Variants in SH3GL2 observed in about 807,000 individuals in gnomAD.
SH3GL2 encodes the protein endophilin-A1.
A neutral mutation model predicts 46.0 loss-of-function variants in SH3GL2; 24 were observed. That is an observed-to-expected ratio of 0.52 (90% CI 0.38 to 0.73). SH3GL2 has a LOEUF of 0.73. SH3GL2 is among the 30% of genes least tolerant of loss of function. The pLI, the probability that SH3GL2 is intolerant of heterozygous loss-of-function variation, is 0.00. For synonymous variants in SH3GL2, 196 were observed against 147.1 expected (o/e 1.33, Z -2.40); for missense variants, 413 against 424.2 (o/e 0.97, Z 0.23).
At position 17,735,422 on chromosome 9, in the gene SH3GL2, G is replaced by C. The variant is rs76792965; in HGVS notation, c.46-11644G>C. ...CCTATATATTTGTGTTTGTGCATGT[G>C]TGAGATTTGTATTTATGTAAGAGTA... On this transcript the variant is annotated intron_variant, in intron 1 of 8. Transcript: ENST00000380607. 4.5e-4 allele frequency among the ~76,000 whole-genome samples: 69 copies of C among 152,268 alleles called. No homozygotes were observed. The East Asian group carries it at 0.013, about 29-fold the overall frequency.
chr9:17,732,556 A>G (rs906864012), intron 1 of SH3GL2, among the ~76,000 whole-genome samples: 1 of 152,122 alleles, frequency 6.6e-6, no homozygotes, highest in Admixed American at 6.5e-5. Flanking sequence ...CATATAAACA[A>G]CGATAGTTTA....
At chr9:17,639,729 T>C (rs1819629996) in intron 1 of SH3GL2, among the ~76,000 whole-genome samples, 1 of 152,210 alleles carries the variant, frequency 6.6e-6, no homozygotes, top group Non-Finnish European at 1.5e-5. Flanking sequence ...TTCATAATAG[T>C]CTTAAAAACT....
chr9:17,613,574 G>T (rs1818916024), intron 1 of SH3GL2, among the ~76,000 whole-genome samples: 1 of 152,186 alleles, frequency 6.6e-6, no homozygotes, highest in Non-Finnish European at 1.5e-5. Flanking sequence ...TAAGCTCTGA[G>T]ATTGTTATTT....
At chr9:17,628,786 C>G (rs1819352127) in intron 1 of SH3GL2, among the ~76,000 whole-genome samples, 1 of 151,864 alleles carries the variant, frequency 6.6e-6, no homozygotes, top group Admixed American at 6.6e-5. Context: ...GCCAACTGCC[C>G]TTTTATAGAT....
intron 3 of SH3GL2, among the ~76,000 whole-genome samples, chr9:17,769,294 A>C (rs1452512203): frequency 6.6e-6 from 1 of 152,238 alleles, no homozygotes; most frequent in East Asian, 1.9e-4. Context: ...TGTACACTGC[A>C]AAGAGCCCAA....
intron 1 of SH3GL2, among the ~76,000 whole-genome samples, chr9:17,690,525 G>A (rs936508493): frequency 5.3e-5 from 8 of 151,920 alleles, no homozygotes; most frequent in Admixed American, 1.3e-4. Flanking sequence ...ATAGGATCTC[G>A]CCTCATTCTG....
chr9:17,771,098 C>A (rs1823466117), intron 3 of SH3GL2, among the ~76,000 whole-genome samples: 2 of 152,148 alleles, frequency 1.3e-5, no homozygotes, highest in South Asian at 4.1e-4. Flanking sequence ...GTGGCTGTTC[C>A]CAGCCAGAGC....
chr9:17,727,702 A>C (rs1822058705), intron 1 of SH3GL2, among the ~76,000 whole-genome samples: 1 of 152,186 alleles, frequency 6.6e-6, no homozygotes, highest in African/African-American at 2.4e-5. Flanking sequence ...CTTCCTCTTC[A>C]ACCAAGGAGC....
rs1006239592 is a variant in SH3GL2, at chr9:17,796,690, C to T, written c.*947C>T. On this transcript the variant is annotated 3_prime_UTR_variant, in exon 9 of 9. Coordinates refer to ENST00000380607, the MANE Select transcript of SH3GL2 (RefSeq NM_003026.5). The stretch of plus-strand genomic sequence containing the variant: ...TCATATACTGAGAAACAGTAAATAC[C>T]TTTCCTTTCCACTTTTACCCTGTGT... The T allele has an allele frequency of 5.2e-5, 8 of 152,626 alleles. No individual in the cohort carries two copies. The highest frequency in any genetic ancestry group is 1.2e-4 in the Non-Finnish European group (8 of 68,044). The allele number at this position is 152,626 out of a possible 1,614,324, so 9.5% of individuals were successfully genotyped here.
intron 2 of SH3GL2, among the ~76,000 whole-genome samples, chr9:17,752,406 A>T (rs2209425): frequency 0.17 from 25,720 of 152,182 alleles, 2,708 homozygotes; most frequent in Middle Eastern, 0.28. Flanking sequence ...AGTTTTTCAT[A>T]TGCCTTTTTA....
At chr9:17,710,111 G>A (rs1286902681) in intron 1 of SH3GL2, among the ~76,000 whole-genome samples, 1 of 151,856 alleles carries the variant, frequency 6.6e-6, no homozygotes, top group Admixed American at 6.6e-5. Flanking sequence ...GTTTGGCTGT[G>A]TCCCCACCCA....
chr9:17,759,883 C>T (rs1200702600), intron 2 of SH3GL2, among the ~76,000 whole-genome samples: 2 of 150,944 alleles, frequency 1.3e-5, no homozygotes, highest in African/African-American at 4.9e-5. Context: ...ATCACATAGG[C>T]AGCAGGAGAT....
chr9:17,769,426 A>G (rs910648935), intron 3 of SH3GL2, among the ~76,000 whole-genome samples: 1 of 152,092 alleles, frequency 6.6e-6, no homozygotes, highest in East Asian at 1.9e-4. Context: ...AGCCAGTTCC[A>G]TCCATTAAAG....
chr9:17,662,478 G>A (rs1478217887), intron 1 of SH3GL2, among the ~76,000 whole-genome samples: 1 of 152,038 alleles, frequency 6.6e-6, no homozygotes, highest in East Asian at 1.9e-4. Flanking sequence ...TCATGCCTTT[G>A]GCCTCGTTGT....
Position 17,580,447 on chromosome 9 carries a change from T to C in SH3GL2, c.45+1160T>C, listed in dbSNP as rs1818256350. Reference sequence around the variant, plus strand: ...AACTTAGGGTGACAGATGCAGCATGTAATTCCCGTCGTGTGTGTGTTTGCA... The same window carrying C: ...AACTTAGGGTGACAGATGCAGCATGCAATTCCCGTCGTGTGTGTGTTTGCA... On this transcript the variant is annotated intron_variant, in intron 1 of 8. Transcript: ENST00000380607. 2.0e-5 allele frequency among the ~76,000 whole-genome samples: 3 copies of C among 152,218 alleles called. No individual in the cohort carries two copies. In the South Asian group the frequency reaches 6.2e-4, roughly 31 times the overall value.
intron 1 of SH3GL2, among the ~76,000 whole-genome samples, chr9:17,673,792 T>A (rs888220130): frequency 6.6e-6 from 1 of 152,220 alleles, no homozygotes; most frequent in African/African-American, 2.4e-5. Context: ...GAGTCTTTAT[T>A]AATTCTTTTG....
chr9:17,737,181 A>G (rs993601207), intron 1 of SH3GL2, among the ~76,000 whole-genome samples: 1 of 151,960 alleles, frequency 6.6e-6, no homozygotes, highest in African/African-American at 2.4e-5. Context: ...AGAGGGGAAC[A>G]CCACACACTG....
At chr9:17,650,049 G>A (rs1819918480) in intron 1 of SH3GL2, among the ~76,000 whole-genome samples, 1 of 152,080 alleles carries the variant, frequency 6.6e-6, no homozygotes, top group African/African-American at 2.4e-5. Flanking sequence ...ATTCCAACAA[G>A]GATATCTTCC....
At chr9:17,759,728 G>A (rs1823113546) in intron 2 of SH3GL2, among the ~76,000 whole-genome samples, 1 of 152,126 alleles carries the variant, frequency 6.6e-6, no homozygotes, top group Non-Finnish European at 1.5e-5. Context: ...CTTAACAGCA[G>A]ATGACATCAG....
Sources: allele counts gnomAD v4.1 joint callset (sites outside exome capture counted in the v4.1 genomes callset), GRCh38; gene constraint gnomAD v4.1.1; transcripts MANE v1.5; gene names NCBI Gene and HGNC (gene_info 2026-07-23, HGNC 2026-07-21).